LDLRAD3: variants seen among roughly 807,000 people sequenced by gnomAD.
LDLRAD3 encodes the protein low density lipoprotein receptor class A domain containing 3, also known as low-density lipoprotein receptor class A domain-containing protein 3.
LDLRAD3 carries 20 observed loss-of-function variants against 29.4 expected under a neutral mutation model. The ratio of observed to expected loss-of-function variants is 0.68; its 90% confidence interval spans 0.48 to 0.99. The LOEUF (loss-of-function observed/expected upper bound fraction) is 0.99. Ranked by LOEUF, LDLRAD3 falls within the 50% of genes least tolerant of loss-of-function variation. LDLRAD3 has a pLI of 0.00. For synonymous variants in LDLRAD3, 157 were observed against 192.7 expected (o/e 0.81, Z 1.53); for missense variants, 420 against 454.3 (o/e 0.92, Z 0.69).
intron 1 of LDLRAD3, among the ~76,000 whole-genome samples, chr11:35,981,155 C>T (rs1467760049): frequency 6.7e-6 from 1 of 150,258 alleles, no homozygotes; most frequent in Non-Finnish European, 1.5e-5. Flanking sequence ...TTCCTAAATG[C>T]TCACGTCATT....
intron 4 of LDLRAD3, among the ~76,000 whole-genome samples, chr11:36,198,214 TGAA>T (rs1468624850): frequency 6.6e-6 from 1 of 152,236 alleles, no homozygotes; most frequent in Non-Finnish European, 1.5e-5. Flanking sequence ...TGACCTGAGA[TGAA>T]GGAGAGGTCT....
At chr11:36,191,542 C>CTA (rs1554972476) in intron 4 of LDLRAD3, among the ~76,000 whole-genome samples, 1 of 49,036 alleles carries the variant, frequency 2.0e-5, no homozygotes, top group Non-Finnish European at 3.8e-5. Context: ...GACCCTGTCT[C>CTA]TCTCTCTCTC....
intron 1 of LDLRAD3, among the ~76,000 whole-genome samples, chr11:35,976,673 G>T: frequency 6.6e-6 from 1 of 152,012 alleles, no homozygotes; most frequent in South Asian, 2.1e-4. Flanking sequence ...TGGGGGTACT[G>T]AGTTGAATAA....
chr11:36,141,323 G>A (rs750094080), intron 4 of LDLRAD3, among the ~76,000 whole-genome samples: 1 of 152,138 alleles, frequency 6.6e-6, no homozygotes, highest in Non-Finnish European at 1.5e-5. Flanking sequence ...ATACCTTGAA[G>A]TTCATGTTCG....
At chr11:36,029,034 G>A (rs1852202334) in intron 1 of LDLRAD3, among the ~76,000 whole-genome samples, 1 of 152,194 alleles carries the variant, frequency 6.6e-6, no homozygotes, top group African/African-American at 2.4e-5. Context: ...CACAGGGTCA[G>A]GAGATCGAGA....
At chr11:35,988,134 T>C (rs1851637601) in intron 1 of LDLRAD3, among the ~76,000 whole-genome samples, 1 of 152,202 alleles carries the variant, frequency 6.6e-6, no homozygotes, top group Non-Finnish European at 1.5e-5. Flanking sequence ...CACAACTCAC[T>C]GCAGTCTCAA....
At chr11:35,989,234 T>C (rs1045266882) in intron 1 of LDLRAD3, among the ~76,000 whole-genome samples, 1 of 152,214 alleles carries the variant, frequency 6.6e-6, no homozygotes, top group African/African-American at 2.4e-5. Flanking sequence ...GGTTTATGTG[T>C]CTGTCTTTGT....
intron 4 of LDLRAD3, among the ~76,000 whole-genome samples, chr11:36,187,028 G>T (rs11033482): frequency 2.6e-5 from 4 of 151,906 alleles, no homozygotes; most frequent in African/African-American, 9.7e-5. Flanking sequence ...CTGCTTGCAC[G>T]TCTCTAGCAG....
chr11:36,155,324 G>A (rs1490676475), intron 4 of LDLRAD3, among the ~76,000 whole-genome samples: 1 of 152,084 alleles, frequency 6.6e-6, no homozygotes, highest in Admixed American at 6.5e-5. Context: ...TTATTTATCC[G>A]GGTCCTTTGA....
intron 4 of LDLRAD3, among the ~76,000 whole-genome samples, chr11:36,209,974 GGA>G (rs1280268257): frequency 6.6e-6 from 1 of 152,230 alleles, no homozygotes; most frequent in African/African-American, 2.4e-5. Context: ...CCCATGGCTA[GGA>G]GAGAGATACA....
At chr11:35,950,041 G>A (rs969835710) in intron 1 of LDLRAD3, among the ~76,000 whole-genome samples, 4 of 152,168 alleles carry the variant, frequency 2.6e-5, no homozygotes, top group Non-Finnish European at 4.4e-5. Flanking sequence ...CCACACCCAG[G>A]CACTGTGTCT....
At chr11:36,051,183 G>C (rs1184157503) in intron 2 of LDLRAD3, among the ~76,000 whole-genome samples, 1 of 152,236 alleles carries the variant, frequency 6.6e-6, no homozygotes, top group Non-Finnish European at 1.5e-5. Context: ...AGAGGATGCT[G>C]CATATTTAGG....
intron 3 of LDLRAD3, among the ~76,000 whole-genome samples, chr11:36,095,494 A>G (rs1590262914): frequency 6.6e-6 from 1 of 151,678 alleles, no homozygotes; most frequent in Admixed American, 6.6e-5. Context: ...CTTTTTTTCT[A>G]TTGAGTTATC....
chr11:36,059,649 T>G (rs1336865116), intron 2 of LDLRAD3, among the ~76,000 whole-genome samples: 2 of 152,224 alleles, frequency 1.3e-5, no homozygotes, highest in African/African-American at 4.8e-5. Context: ...ACTTCTTGTC[T>G]TCTAAACCTC....
chr11:36,052,687 G>C (rs1852546116), intron 2 of LDLRAD3, among the ~76,000 whole-genome samples: 1 of 152,136 alleles, frequency 6.6e-6, no homozygotes, highest in African/African-American at 2.4e-5. Flanking sequence ...TAATAAAATA[G>C]AATCTACCTC....
intron 4 of LDLRAD3, among the ~76,000 whole-genome samples, chr11:36,150,441 T>C (rs1854261735): frequency 6.6e-6 from 1 of 151,758 alleles, no homozygotes; most frequent in Non-Finnish European, 1.5e-5. Context: ...GGTGGGAGGA[T>C]CACTTGCACC....
At chr11:36,228,217 C>T (rs964208479) in intron 5 of LDLRAD3, among the ~76,000 whole-genome samples, 1 of 152,164 alleles carries the variant, frequency 6.6e-6, no homozygotes, top group Admixed American at 6.5e-5. Flanking sequence ...TCCATGGCAG[C>T]TCTTACATTA....
At chr11:35,961,557 C>T (rs574608205) in intron 1 of LDLRAD3, among the ~76,000 whole-genome samples, 19 of 152,330 alleles carry the variant, frequency 1.2e-4, no homozygotes, top group Non-Finnish European at 2.1e-4. Context: ...TCACCACATG[C>T]TTACCAATCC....
In LDLRAD3 at chr11:36,098,472, C is replaced by G; in HGVS notation, c.454+11C>G. On this transcript the variant is annotated intron_variant, in intron 4 of 5. Transcript: ENST00000315571. ...GTGAAAGTTCTCAAGGTAGGAACCT[C>G]TCAAGCTCTAAAAAGATAATTGCAA... The G allele has an allele frequency of 6.2e-7, 1 of 1,614,066 alleles. No individual in the cohort carries two copies.
Sources: allele counts gnomAD v4.1 joint callset (sites outside exome capture counted in the v4.1 genomes callset), GRCh38; gene constraint gnomAD v4.1.1; transcripts MANE v1.5; gene names NCBI Gene and HGNC (gene_info 2026-07-23, HGNC 2026-07-21).